HAUS5: variants seen among roughly 807,000 people sequenced by gnomAD.
The protein encoded by HAUS5 is HAUS augmin like complex subunit 5, also known as HAUS augmin-like complex subunit 5.
Under a neutral mutation model 94.1 loss-of-function variants are expected in HAUS5, and 67 were observed. The observed-to-expected ratio is 0.71, with a 90% CI of 0.58 to 0.87. HAUS5 has a LOEUF of 0.87. Among genes scored for constraint, HAUS5 ranks in the 40% least tolerant of loss-of-function variants. The pLI is 0.00. For missense variants in HAUS5, 739 were observed against 825.6 expected, an observed-to-expected ratio of 0.90 and a Z score of 1.29; for synonymous variants, 339 against 355.4, an observed-to-expected ratio of 0.95 and a Z score of 0.52.
chr19:35,618,685 G>A lies in HAUS5; in HGVS notation c.1002G>A (p.Leu334=), dbSNP rs1365747891. ...GLVEEVERRV[L]GSSERQVLIL... is the part of the protein sequence containing the mutation. ...TGGAGGAGGTGGAGAGACGCGTCCTGGGATCCAGTGAGAGGTGGGGGGCTC... is the reference window on the plus strand; with the variant it reads ...TGGAGGAGGTGGAGAGACGCGTCCTAGGATCCAGTGAGAGGTGGGGGGCTC... Residue 334 remains leucine, a synonymous_variant, in exon 12 of 19, where the codon CTG becomes CTA. Transcript: ENST00000203166. The A allele has an allele frequency of 6.3e-7, 1 of 1,597,518 alleles. No homozygotes were observed. Among genetic ancestry groups the A allele is most frequent in the African/African-American group, 1.3e-5 (1 of 74,656 alleles).
In HAUS5 at chr19:35,619,499, G is replaced by C. The variant is rs758413189; in HGVS notation, c.1255G>C (p.Gly419Arg). The change falls in exon 14 of 19, where the codon GGG (glycine) becomes CGG (arginine). Residue 419 changes from glycine (G) to arginine (R), a missense_variant. Coordinates refer to ENST00000203166, the MANE Select transcript of HAUS5 (RefSeq NM_015302.2). ...CAAGACCCGCCTGTGCCGGAGCCCG[G>C]GGGAGGTGAGATGGGAGTTGGGGTG... ...ASKTRLCRSP[G>R]EVLALVQRKV... 4 of 1,610,010 alleles carry C rather than the reference G, an allele frequency of 2.5e-6. No individual in the cohort carries two copies. The highest frequency in any genetic ancestry group is 3.4e-6 in the Non-Finnish European group (4 of 1,177,866).
intron 9 of HAUS5, 59 bp from the exon 10 acceptor site, chr19:35,618,012 G>T: frequency 2.5e-6 from 4 of 1,596,670 alleles, no homozygotes; most frequent in East Asian, 2.2e-5. Flanking sequence ...TATTCCCATG[G>T]GGTCTCAGCT....
chr19:35,619,901 C>A, intron 15 of HAUS5, 111 bp from the exon 16 acceptor site: 1 of 1,529,864 alleles, frequency 6.5e-7, no homozygotes, highest in South Asian at 1.3e-5. Flanking sequence ...CAGCCCTGGT[C>A]TTGGCATCCT....
rs8110183 is a variant in HAUS5 at position 35,619,896 on chromosome 19, C to G, written c.1407-116C>G. ...AGACCTCACCCTTGGGTCAGCAGCC[C>G]TGGTCTTGGCATCCTAGTCCCCAGA... On this transcript the variant is annotated intron_variant, in intron 15 of 18. Transcript: ENST00000203166. The G allele has an allele frequency of 5.5e-3, 8,362 of 1,528,702 alleles. 382 individuals are homozygous for G. In the African/African-American group the frequency reaches 0.098, roughly 18 times the overall value. 94.7% of individuals were successfully genotyped at this position (1,528,702 alleles called of 1,614,324 possible). A position where few individuals can be genotyped will look rare whatever the true frequency, so the allele number is the denominator to read the frequency against.
Position 35,620,222 on chromosome 19 carries a change from G to A in HAUS5, c.1546G>A (p.Ala516Thr). 1 of 1,613,742 alleles carries A rather than the reference G, an allele frequency of 6.2e-7. No individual in the cohort carries two copies. Among genetic ancestry groups the A allele is most frequent in the South Asian group, 1.1e-5 (1 of 91,078 alleles). Residue 516 changes from alanine to threonine, a missense_variant, in exon 17 of 19, where the codon GCC (alanine) becomes ACC (threonine). Transcript: ENST00000203166. ...KASELLLPAA[A>T]SLRQDLLLLQ... Reference sequence around the variant, plus strand: ...CTCGGAGCTGCTCCTGCCGGCGGCTGCCTCTCTTCGCCAGGACCTTCTGCT... The same window carrying A: ...CTCGGAGCTGCTCCTGCCGGCGGCTACCTCTCTTCGCCAGGACCTTCTGCT...
intron 17 of HAUS5, among the ~76,000 whole-genome samples, chr19:35,621,401 G>A (rs1206696093): frequency 1.3e-5 from 2 of 152,138 alleles, no homozygotes; most frequent in Admixed American, 6.5e-5. Flanking sequence ...GGAGTGCAGT[G>A]GTGCCATCCT....
chr19:35,620,145 C>T (rs370265528), intron 16 of HAUS5, 22 bp downstream of exon 16: 1 of 1,612,034 alleles, frequency 6.2e-7, no homozygotes, highest in Non-Finnish European at 8.5e-7. Flanking sequence ...TCTCCTGTGA[C>T]TTGTCTCCCC....
In HAUS5 at chr19:35,622,751, C is replaced by T. The variant is rs200846623; in HGVS notation, c.1784+18C>T. 32 of 1,613,616 alleles carry T rather than the reference C, an allele frequency of 2.0e-5. No homozygotes were observed. The highest frequency in any genetic ancestry group is 1.6e-4 in the Middle Eastern group (1 of 6,084). ...GGGGACTGGTGAGAGGGGAACGTGC[C>T]GCGGATGGGAAACAGAAAAGTCAGG... On this transcript the variant is annotated intron_variant, in intron 18 of 18. Coordinates refer to ENST00000203166, the MANE Select transcript of HAUS5 (RefSeq NM_015302.2).
chr19:35,616,330 A>G (rs762198532), intron 6 of HAUS5, among the ~76,000 whole-genome samples: 1 of 151,858 alleles, frequency 6.6e-6, no homozygotes, highest in African/African-American at 2.4e-5. Context: ...AAAAAAAAAA[A>G]TTGGGTGACC....
intron 8 of HAUS5, 37 bp downstream of exon 8, chr19:35,617,406 C>T: frequency 2.1e-6 from 3 of 1,426,796 alleles, no homozygotes; most frequent in South Asian, 2.3e-5. Context: ...CTGTAAAGAC[C>T]CTGGGTTTTA....
Position 35,612,892 on chromosome 19 carries a change from G to GGTGAGGACCGCTCCTGGA in HAUS5, c.98+9_98+26dup, listed in dbSNP as rs1284011748. 15 of 1,538,360 alleles carry GGTGAGGACCGCTCCTGGA rather than the reference G, an allele frequency of 9.8e-6. No individual in the cohort carries two copies. Among genetic ancestry groups the GGTGAGGACCGCTCCTGGA allele is most frequent in the Middle Eastern group, 1.7e-4 (1 of 5,956 alleles). On this transcript the variant is annotated stop_gained and inframe_insertion and splice_region_variant. Coordinates refer to ENST00000203166, the MANE Select transcript of HAUS5 (RefSeq NM_015302.2). LOFTEE classifies it high-confidence loss of function. Reference sequence around the variant, plus strand: ...CGGGCCCCGGAATCGACGCTGCGCAGGTGAGGACCGCTCCTGGAGTGAGGA... The same window carrying GGTGAGGACCGCTCCTGGA: ...CGGGCCCCGGAATCGACGCTGCGCAGGTGAGGACCGCTCCTGGAGTGAGGACCGCTCCTGGAGTGAGGA...
intron 14 of HAUS5, 29 bp from the exon 15 acceptor site, chr19:35,619,584 G>GCGGCCCCCCCC: frequency 4.6e-6 from 7 of 1,533,876 alleles, no homozygotes; most frequent in Admixed American, 1.8e-5. Context: ...ATGTTGTGAT[G>GCGGCCCCCCCC]CCCCACCCAC....
intron 4 of HAUS5, 43 bp downstream of exon 4, chr19:35,614,102 G>T: frequency 6.3e-7 from 1 of 1,580,868 alleles, no homozygotes; most frequent in South Asian, 1.1e-5. Context: ...TCCGAAAAAT[G>T]ACTTGTAGAT....
intron 6 of HAUS5, 76 bp downstream of exon 6, chr19:35,615,462 T>G (rs1435170994): frequency 1.7e-6 from 2 of 1,169,754 alleles, no homozygotes; most frequent in East Asian, 5.1e-5. Context: ...TCTGCCCTGA[T>G]CCCTTCTTGG....
intron 5 of HAUS5, 39 bp from the exon 6 acceptor site, chr19:35,615,188 C>T (rs372625467): frequency 6.6e-5 from 107 of 1,611,496 alleles, no homozygotes; most frequent in Admixed American, 1.5e-4. Flanking sequence ...GAATGTGGGG[C>T]GGGAAAGGTG....
chr19:35,618,258 T>TCAGGA, intron 10 of HAUS5, 63 bp downstream of exon 10: 11 of 1,599,660 alleles, frequency 6.9e-6, no homozygotes, highest in Non-Finnish European at 9.4e-6. Flanking sequence ...TGGGACAGCC[T>TCAGGA]CAGGACCCCT....
rs1182092072 is a variant in HAUS5 at position 35,622,635 on chromosome 19, G to A, written c.1686G>A (p.Gln562=). Residue 562 remains glutamine (Q), a synonymous_variant, in exon 18 of 19, where the codon CAG becomes CAA. Coordinates refer to ENST00000203166, the MANE Select transcript of HAUS5 (RefSeq NM_015302.2). ...AGATCCAGGCATCCCAGGAAAAACAGCAGAAAGAGAACCTGGGGCAGGCTC... is the reference window on the plus strand; with the variant it reads ...AGATCCAGGCATCCCAGGAAAAACAACAGAAAGAGAACCTGGGGCAGGCTC... ...LLQIQASQEK[Q]QKENLGQALK... is the part of the protein sequence containing the mutation. 2 of 1,614,032 alleles carry A rather than the reference G, an allele frequency of 1.2e-6. No individual in the cohort carries two copies. The highest frequency in any genetic ancestry group is 4.5e-5 in the East Asian group (2 of 44,850).
chr19:35,617,403 G>C (rs1156502679), intron 8 of HAUS5, 34 bp downstream of exon 8: 1 of 1,449,398 alleles, frequency 6.9e-7, no homozygotes, highest in South Asian at 1.1e-5. Context: ...ACCCTGTAAA[G>C]ACCCTGGGTT....
At chr19:35,618,787 A>G (rs1461678029) in intron 12 of HAUS5, 88 bp downstream of exon 12, 92 of 1,521,824 alleles carry the variant, frequency 6.0e-5, no homozygotes, top group Non-Finnish European at 6.9e-5. Context: ...TGTGGCTCCT[A>G]TCTCTGCCTC....
Sources: allele counts gnomAD v4.1 joint callset (sites outside exome capture counted in the v4.1 genomes callset), GRCh38; gene constraint gnomAD v4.1.1; transcripts MANE v1.5; gene names NCBI Gene and HGNC (gene_info 2026-07-23, HGNC 2026-07-21).